Variants in RBPJ observed in about 807,000 individuals in gnomAD.
RBPJ encodes the protein recombination signal binding protein for immunoglobulin kappa J region, also known as recombining binding protein suppressor of hairless.
A neutral mutation model predicts 67.8 loss-of-function variants in RBPJ; 9 were observed. The ratio of observed to expected loss-of-function variants is 0.13; its 90% CI spans 0.08 to 0.23. RBPJ has a LOEUF of 0.23. Ranked by LOEUF, RBPJ falls within the 10% of genes least tolerant of loss-of-function variation. The pLI is 1.00. For missense variants in RBPJ, 305 were observed against 595.6 expected (o/e 0.51, Z 5.08); for synonymous variants, 198 against 203.3 (o/e 0.97, Z 0.22).
intron 1 of RBPJ, among the ~76,000 whole-genome samples, chr4:26,172,652 T>G (rs547853123): frequency 6.6e-6 from 1 of 152,326 alleles, no homozygotes; most frequent in South Asian, 2.1e-4. Context: ...ATAATTAATA[T>G]CTACCTCATG....
At chr4:26,221,099 T>C (rs145228747) in intron 1 of RBPJ, among the ~76,000 whole-genome samples, 114 of 152,372 alleles carry the variant, frequency 7.5e-4, no homozygotes, top group Non-Finnish European at 1.4e-3. Flanking sequence ...TTTTTTGTTT[T>C]GTTTTGTTTG....
chr4:26,393,801 G>A (rs1026269783), intron 2 of RBPJ, among the ~76,000 whole-genome samples: 2 of 150,624 alleles, frequency 1.3e-5, no homozygotes, highest in Non-Finnish European at 3.0e-5. Flanking sequence ...TCTCTCCATT[G>A]GGGTGCAGAG....
chr4:26,225,901 A>C (rs1399333404), intron 1 of RBPJ, among the ~76,000 whole-genome samples: 1 of 152,144 alleles, frequency 6.6e-6, no homozygotes, highest in Non-Finnish European at 1.5e-5. Context: ...TAATCCCAGC[A>C]CTTTGGGACG....
chr4:26,393,573 C>G (rs1731762502), intron 2 of RBPJ, among the ~76,000 whole-genome samples: 2 of 152,202 alleles, frequency 1.3e-5, no homozygotes, highest in Non-Finnish European at 2.9e-5. Flanking sequence ...CAGGATTTCC[C>G]CATATGGCCC....
chr4:26,130,236 T>G, the RBPJ span, among the ~76,000 whole-genome samples: 1 of 152,204 alleles, frequency 6.6e-6, no homozygotes, highest in South Asian at 2.1e-4. Context: ...CCGCACCTTC[T>G]TGAACAGGCA....
At chr4:26,399,565 C>G (rs764285477) in intron 2 of RBPJ, among the ~76,000 whole-genome samples, 2 of 151,612 alleles carry the variant, frequency 1.3e-5, no homozygotes, top group Non-Finnish European at 2.9e-5. Flanking sequence ...TTTTATAAGG[C>G]AAACCACAGT....
chr4:26,172,664 G>A (rs1234837536), intron 1 of RBPJ, among the ~76,000 whole-genome samples: 1 of 152,124 alleles, frequency 6.6e-6, no homozygotes, highest in Non-Finnish European at 1.5e-5. Flanking sequence ...TACCTCATGG[G>A]GTTGCTGTGA....
At chr4:26,376,607 CTT>C (rs779313163) in intron 1 of RBPJ, among the ~76,000 whole-genome samples, 1 of 152,170 alleles carries the variant, frequency 6.6e-6, no homozygotes, top group Non-Finnish European at 1.5e-5. Flanking sequence ...GTACAACTGT[CTT>C]TTAATTCCAG....
intron 1 of RBPJ, among the ~76,000 whole-genome samples, chr4:26,285,952 A>G (rs1721449313): frequency 7.1e-6 from 1 of 140,564 alleles, no homozygotes; most frequent in African/African-American, 2.5e-5. Flanking sequence ...GCTACAAAAA[A>G]TTATTTTTAA....
chr4:26,401,068 T>C (rs1232796176), intron 2 of RBPJ, among the ~76,000 whole-genome samples: 1 of 152,270 alleles, frequency 6.6e-6, no homozygotes, highest in Non-Finnish European at 1.5e-5. Flanking sequence ...TTTTGTGTAC[T>C]GTTGAAGGTT....
the RBPJ span, among the ~76,000 whole-genome samples, chr4:26,105,918 T>C: frequency 1.7e-4 from 26 of 152,362 alleles, no homozygotes; most frequent in African/African-American, 6.0e-4. Context: ...AGCAAATCTG[T>C]GCAATGGTCC....
At chr4:26,380,367 A>G (rs1370049830) in intron 1 of RBPJ, among the ~76,000 whole-genome samples, 2 of 152,166 alleles carry the variant, frequency 1.3e-5, no homozygotes, top group Non-Finnish European at 2.9e-5. Flanking sequence ...ATTGATGTAT[A>G]CCAGCTACCT....
At chr4:26,216,209 G>C (rs946215634) in intron 1 of RBPJ, among the ~76,000 whole-genome samples, 1 of 152,042 alleles carries the variant, frequency 6.6e-6, no homozygotes, top group Non-Finnish European at 1.5e-5. Flanking sequence ...AATCTAAGAT[G>C]ACTTTATCAG....
At chr4:26,338,785 G>C (rs563783436) in intron 1 of RBPJ, among the ~76,000 whole-genome samples, 1 of 151,750 alleles carries the variant, frequency 6.6e-6, no homozygotes, top group East Asian at 2.0e-4. Context: ...ATCTTTCCCA[G>C]GCTGGTCTTG....
chr4:26,162,485 T>G (rs978206832), upstream of RBPJ, among the ~76,000 whole-genome samples: 1 of 152,226 alleles, frequency 6.6e-6, no homozygotes, highest in African/African-American at 2.4e-5. Flanking sequence ...TGGTCACTGA[T>G]GCATTCAATG....
chr4:26,116,177 C>A, the RBPJ span, among the ~76,000 whole-genome samples: 1 of 152,212 alleles, frequency 6.6e-6, no homozygotes, highest in East Asian at 1.9e-4. Flanking sequence ...GCACATCCAC[C>A]GTGTTGACAG....
intron 1 of RBPJ, among the ~76,000 whole-genome samples, chr4:26,363,135 A>T (rs1475088482): frequency 1.3e-5 from 2 of 152,028 alleles, no homozygotes; most frequent in Admixed American, 1.3e-4. Context: ...TTATTTATTT[A>T]TTTTTTATTT....
the RBPJ span, among the ~76,000 whole-genome samples, chr4:26,140,597 C>T: frequency 2.6e-5 from 4 of 151,492 alleles, no homozygotes; most frequent in East Asian, 7.9e-4. Context: ...AAGACTACTG[C>T]CCTGGAAGCT....
At chr4:26,299,540 C>T (rs1378305017) in intron 1 of RBPJ, among the ~76,000 whole-genome samples, 3 of 151,842 alleles carry the variant, frequency 2.0e-5, no homozygotes, top group Non-Finnish European at 2.9e-5. Flanking sequence ...ATAAAAATGC[C>T]TCATGTGGGA....
Sources: gnomAD v4.1 joint callset for allele counts (sites outside exome capture counted in the v4.1 genomes callset) on GRCh38, gnomAD v4.1.1 for gene constraint, MANE v1.5 for transcripts, NCBI Gene and HGNC (gene_info 2026-07-23, HGNC 2026-07-21) for gene names.